The following AGMO variants were observed in gnomAD, a reference collection of about 807,000 sequenced individuals.
The protein encoded by AGMO is glyceryl-ether monooxygenase.
A neutral mutation model predicts 60.2 loss-of-function variants in AGMO; 75 were observed. The observed-to-expected ratio is 1.25, with a 90% CI of 1.03 to 1.51. AGMO has a LOEUF of 1.51. AGMO is among the 40% of genes most tolerant of loss of function. The probability of loss-of-function intolerance (pLI) is 0.00; values close to 1 mark genes in which losing one functional copy is unlikely to be tolerated. For synonymous variants in AGMO, 261 were observed against 177.1 expected, an observed-to-expected ratio of 1.47 and a Z score of -3.76; for missense variants, 763 against 525.5, an observed-to-expected ratio of 1.45 and a Z score of -4.42.
At chr7:15,527,248 C>G (rs919167988) in intron 3 of AGMO, among the ~76,000 whole-genome samples, 1 of 151,918 alleles carries the variant, frequency 6.6e-6, no homozygotes, top group Admixed American at 6.6e-5. Flanking sequence ...AGTGGATATC[C>G]AGCAAAGAAG....
intron 12 of AGMO, among the ~76,000 whole-genome samples, chr7:15,333,382 T>C (rs1781556895): frequency 6.6e-6 from 1 of 152,092 alleles, no homozygotes; most frequent in Non-Finnish European, 1.5e-5. Context: ...TCAAAGTCCA[T>C]TTCATAAGTA....
At chr7:15,121,156 C>G in the AGMO span, among the ~76,000 whole-genome samples, 1 of 152,210 alleles carries the variant, frequency 6.6e-6, no homozygotes. Context: ...CAAATTCATT[C>G]TTTTTTATGG....
chr7:15,301,868 G>C (rs780347274), intron 12 of AGMO, among the ~76,000 whole-genome samples: 1 of 151,932 alleles, frequency 6.6e-6, no homozygotes, highest in African/African-American at 2.4e-5. Context: ...GGCTCAAGAA[G>C]GGCTCAAGAA....
chr7:15,488,647 A>G (rs933462131), intron 3 of AGMO, among the ~76,000 whole-genome samples: 1 of 152,166 alleles, frequency 6.6e-6, no homozygotes, highest in African/African-American at 2.4e-5. Flanking sequence ...ACGACAAAGT[A>G]CTTAATAGTG....
chr7:15,191,737 G>C, the AGMO span, among the ~76,000 whole-genome samples: 2 of 151,964 alleles, frequency 1.3e-5, no homozygotes, highest in Non-Finnish European at 2.9e-5. Flanking sequence ...AAGGCACTAA[G>C]TCATTCATTC....
chr7:15,261,722 C>A, intron 12 of AGMO, among the ~76,000 whole-genome samples: 1 of 151,992 alleles, frequency 6.6e-6, no homozygotes, highest in Admixed American at 6.6e-5. Context: ...AGACCAATAA[C>A]CCTGATGAAC....
intron 12 of AGMO, among the ~76,000 whole-genome samples, chr7:15,201,701 T>C (rs1198696750): frequency 1.3e-5 from 2 of 152,158 alleles, no homozygotes; most frequent in African/African-American, 4.8e-5. Context: ...TTATACTAGA[T>C]GATCTAATTG....
chr7:15,319,605 G>A (rs1473879539), intron 12 of AGMO, among the ~76,000 whole-genome samples: 2 of 152,068 alleles, frequency 1.3e-5, no homozygotes, highest in East Asian at 3.9e-4. Context: ...CACATTGGGG[G>A]AAAGTGACGT....
In AGMO at chr7:15,539,626, G is replaced by C. The variant is rs1236636794; in HGVS notation, c.409+5146C>G. Among the ~76,000 whole-genome samples the C allele has an allele frequency of 2.0e-5, 3 of 152,006 alleles. No individual in the cohort carries two copies. In the South Asian group the frequency reaches 6.2e-4, roughly 32 times the overall value. On this transcript the variant is annotated intron_variant, in intron 3 of 12. Transcript: ENST00000342526. ...TACACATGCATGTGTCTTTATAATG[G>C]AACAATTTATATTCCTTTGGGCATA...
chr7:15,192,574 C>T, the AGMO span, among the ~76,000 whole-genome samples: 1 of 152,106 alleles, frequency 6.6e-6, no homozygotes, highest in Non-Finnish European at 1.5e-5. Flanking sequence ...TGATTCTTCC[C>T]GGACACTGGA....
intron 12 of AGMO, among the ~76,000 whole-genome samples, chr7:15,262,651 C>A (rs1783308109): frequency 6.6e-6 from 1 of 151,816 alleles, no homozygotes; most frequent in African/African-American, 2.4e-5. Flanking sequence ...GCCTGCATAG[C>A]CAAAAGCAAG....
At chr7:15,360,309 C>T (rs898888041) in intron 12 of AGMO, among the ~76,000 whole-genome samples, 2 of 152,234 alleles carry the variant, frequency 1.3e-5, no homozygotes, top group East Asian at 1.9e-4. Flanking sequence ...TTGAACAACT[C>T]GGAGGTTAGT....
chr7:15,523,141 A>G (rs912197684), intron 3 of AGMO, among the ~76,000 whole-genome samples: 6 of 152,234 alleles, frequency 3.9e-5, no homozygotes, highest in Admixed American at 3.9e-4. Context: ...AACCACAATG[A>G]GATACCATCT....
At chr7:15,366,103 G>A (rs758940891) in intron 11 of AGMO, 37 bp downstream of exon 11, 2 of 1,506,540 alleles carry the variant, frequency 1.3e-6, no homozygotes, top group Non-Finnish European at 1.8e-6. Flanking sequence ...CTTGAATTGA[G>A]TAAAAGTAAA....
intron 3 of AGMO, among the ~76,000 whole-genome samples, chr7:15,440,854 T>C (rs1046765949): frequency 1.3e-5 from 2 of 152,240 alleles, no homozygotes; most frequent in African/African-American, 2.4e-5. Flanking sequence ...AGTAATGTTA[T>C]GGATAAGACA....
intron 12 of AGMO, among the ~76,000 whole-genome samples, chr7:15,296,410 G>A (rs1784410609): frequency 6.6e-6 from 1 of 152,150 alleles, no homozygotes; most frequent in Non-Finnish European, 1.5e-5. Flanking sequence ...CCAACTAGAA[G>A]CGTGATATTA....
At chr7:15,485,828 A>G (rs947038144) in intron 3 of AGMO, among the ~76,000 whole-genome samples, 6 of 151,358 alleles carry the variant, frequency 4.0e-5, no homozygotes, top group Non-Finnish European at 7.4e-5. Context: ...TCGGTGAAGC[A>G]TTTTTTCTTT....
At chr7:15,195,065 G>T in the AGMO span, among the ~76,000 whole-genome samples, 13 of 152,300 alleles carry the variant, frequency 8.5e-5, no homozygotes, top group African/African-American at 3.1e-4. Context: ...TTAACTTTGT[G>T]TTACAGGGAG....
intron 8 of AGMO, among the ~76,000 whole-genome samples, chr7:15,389,623 C>G (rs1784058309): frequency 6.6e-6 from 1 of 152,136 alleles, no homozygotes; most frequent in Non-Finnish European, 1.5e-5. Flanking sequence ...CGTAAAGAGG[C>G]AGCACTGTGT....
Sources: gnomAD v4.1 joint callset for allele counts (sites outside exome capture counted in the v4.1 genomes callset) on GRCh38, gnomAD v4.1.1 for gene constraint, MANE v1.5 for transcripts, NCBI Gene and HGNC (gene_info 2026-07-23, HGNC 2026-07-21) for gene names.